NEDD4L: variants seen among roughly 807,000 people sequenced by gnomAD.
NEDD4L encodes the protein NEDD4 like E3 ubiquitin protein ligase, also known as E3 ubiquitin-protein ligase NEDD4-like.
A neutral mutation model predicts 148.9 loss-of-function variants in NEDD4L; 54 were observed. The ratio of observed to expected loss-of-function variants is 0.36; its 90% CI spans 0.29 to 0.45. NEDD4L has a LOEUF of 0.45. Among genes scored for constraint, NEDD4L ranks in the 20% least tolerant of loss-of-function variants. The pLI, the probability that NEDD4L is intolerant of heterozygous loss-of-function variation, is 1.00. For missense variants in NEDD4L, 856 were observed against 1,233.8 expected (o/e 0.69, Z 4.59); for synonymous variants, 433 against 440.7 (o/e 0.98, Z 0.22).
At chr18:58,182,458 G>C (rs1346770701) in intron 2 of NEDD4L, among the ~76,000 whole-genome samples, 1 of 151,448 alleles carries the variant, frequency 6.6e-6, no homozygotes, top group Non-Finnish European at 1.5e-5. Context: ...TTATTCTCTG[G>C]GCTGTTAGGA....
In NEDD4L at chr18:58,256,476, G is replaced by A. The variant is rs533156149; in HGVS notation, c.297+4422G>A. 2.3e-5 allele frequency: 28 copies of A among 1,232,292 alleles called. No homozygotes were observed. Among genetic ancestry groups the A allele is most frequent in the East Asian group, 2.2e-4 (7 of 31,694 alleles). 76.3% of individuals were successfully genotyped at this position (1,232,292 alleles called of 1,614,324 possible). A position where few individuals can be genotyped will look rare whatever the true frequency, so the allele number is the denominator to read the frequency against. ...AGGTTGGTGAGGTATCCTCGCATTC[G>A]GCTGGAGAGGAGCACCTCGTACCCC... On this transcript the variant is annotated intron_variant, in intron 5 of 30. Transcript: ENST00000400345. This position sits in a 1 kb window ranked among gnomAD's most constrained non-coding sequence, Gnocchi z 5.2.
chr18:58,363,115 A>G (rs2045687828), intron 19 of NEDD4L, among the ~76,000 whole-genome samples: 1 of 152,212 alleles, frequency 6.6e-6, no homozygotes, highest in Admixed American at 6.5e-5. Context: ...TTGCTCTGGA[A>G]TTACAGAGCA....
rs2047998241 is a variant in NEDD4L, at chr18:58,251,998, T to C, written c.244-3T>C. 1 of 1,526,788 alleles carries C rather than the reference T, an allele frequency of 6.5e-7. No homozygotes were observed. Among genetic ancestry groups the C allele is most frequent in the Non-Finnish European group, 9.1e-7 (1 of 1,100,530 alleles). The allele number at this position is 1,526,788 out of a possible 1,614,324, so 94.6% of individuals were successfully genotyped here. On this transcript the variant is annotated splice_polypyrimidine_tract_variant and splice_region_variant and intron_variant, in intron 4 of 30. Coordinates refer to ENST00000400345, the MANE Select transcript of NEDD4L (RefSeq NM_001144967.3). ...TAAAAAATACTATTTATGTTCCTTA[T>C]AGGTAAACCCATCTAATCACAGACT...
At chr18:58,172,486 C>T (rs1322586346) in intron 2 of NEDD4L, among the ~76,000 whole-genome samples, 1 of 152,208 alleles carries the variant, frequency 6.6e-6, no homozygotes, top group Non-Finnish European at 1.5e-5. Flanking sequence ...GTGGTTTGAA[C>T]TGTTTACATG....
chr18:58,389,040 C>A, intron 27 of NEDD4L, 45 bp from the exon 28 acceptor site: 2 of 1,506,420 alleles, frequency 1.3e-6, no homozygotes, highest in Non-Finnish European at 1.8e-6. Context: ...TGTGATCTCG[C>A]ACCTTTCACA....
At chr18:58,210,751 C>T (rs1163548774) in intron 2 of NEDD4L, among the ~76,000 whole-genome samples, 3 of 151,604 alleles carry the variant, frequency 2.0e-5, no homozygotes, top group Non-Finnish European at 4.4e-5. Context: ...TTTATAAAAC[C>T]ATCAAAATTT....
Position 58,400,471 on chromosome 18 carries a change from C to G in NEDD4L, c.*4202C>G, listed in dbSNP as rs976980052. ...ACACACACCCCCACCCCAGAGTGTT[C>G]TCAGTATGTCAGAGAAAGTGCCACA... On this transcript the variant is annotated 3_prime_UTR_variant, in exon 31 of 31. Transcript: ENST00000400345. 1 of 152,138 alleles carries G rather than the reference C, an allele frequency of 6.6e-6. No individual in the cohort carries two copies. Among genetic ancestry groups the G allele is most frequent in the African/African-American group, 2.4e-5 (1 of 41,426 alleles). 9.4% of individuals were successfully genotyped at this position (152,138 alleles called of 1,614,324 possible).
chr18:58,387,772 G>T (rs1723575150), intron 27 of NEDD4L: 2 of 312,126 alleles, frequency 6.4e-6, no homozygotes, highest in South Asian at 8.7e-5. Flanking sequence ...AACATGCCTA[G>T]TAAGTAGAGG....
At chr18:58,276,900 A>G (rs2052156437) in intron 5 of NEDD4L, among the ~76,000 whole-genome samples, 1 of 151,706 alleles carries the variant, frequency 6.6e-6, no homozygotes, top group African/African-American at 2.4e-5. Context: ...GAGCCTTGAT[A>G]TAATTGTGCT....
intron 14 of NEDD4L, 142 bp from the exon 15 acceptor site, chr18:58,341,536 T>A: frequency 1.2e-6 from 1 of 841,502 alleles, no homozygotes; most frequent in South Asian, 1.8e-5. Context: ...CCCCCATCAT[T>A]ATGTTTAATT....
At chr18:58,121,827 G>A (rs2029958992) in intron 1 of NEDD4L, among the ~76,000 whole-genome samples, 1 of 152,244 alleles carries the variant, frequency 6.6e-6, no homozygotes, top group Non-Finnish European at 1.5e-5. Context: ...GCTAAAAAGT[G>A]GAGGTCTGCC....
intron 13 of NEDD4L, among the ~76,000 whole-genome samples, chr18:58,337,474 C>T (rs938183363): frequency 3.3e-5 from 5 of 152,158 alleles, no homozygotes; most frequent in Middle Eastern, 3.2e-3. Context: ...GTGTATTGTC[C>T]TGGGCTGGAG....
intron 2 of NEDD4L, among the ~76,000 whole-genome samples, chr18:58,184,314 C>T (rs536361536): frequency 6.6e-6 from 1 of 151,166 alleles, no homozygotes; most frequent in Non-Finnish European, 1.5e-5. Context: ...CTCTACCCTC[C>T]TCTCCTGCTC....
chr18:58,383,404 A>G, intron 25 of NEDD4L, 85 bp downstream of exon 25: 1 of 760,548 alleles, frequency 1.3e-6, no homozygotes, highest in Non-Finnish European at 2.3e-6. Context: ...CAGCTCATGC[A>G]TTTATTATGG....
intron 1 of NEDD4L, among the ~76,000 whole-genome samples, chr18:58,092,986 G>A (rs965330465): frequency 6.6e-6 from 1 of 151,332 alleles, no homozygotes; most frequent in African/African-American, 2.4e-5. Context: ...TCAGCCTTCC[G>A]AGTAGCTGGG....
chr18:58,245,494 A>G lies in NEDD4L; in HGVS notation c.190A>G (p.Lys64Glu). The change falls in exon 3 of 31, where the codon AAA becomes GAA. Residue 64 changes from lysine to glutamate, a missense_variant. Transcript: ENST00000400345. Reference sequence around the variant, plus strand: ...TAGAGAACTTGCTTTGGTCCAGACAAAAACAATTAAAAAGGTAGGTGTCGA... The same window carrying G: ...TAGAGAACTTGCTTTGGTCCAGACAGAAACAATTAAAAAGGTAGGTGTCGA... The part of the protein sequence containing the change: ...ENRELALVQT[K>E]TIKKTLNPKW... The G allele has an allele frequency of 6.4e-7, 1 of 1,556,666 alleles. No homozygotes were observed. The highest frequency in any genetic ancestry group is 1.7e-4 in the Middle Eastern group (1 of 5,928).
intron 5 of NEDD4L, among the ~76,000 whole-genome samples, chr18:58,271,137 A>G (rs1555779881): frequency 6.6e-6 from 1 of 152,152 alleles, no homozygotes; most frequent in Non-Finnish European, 1.5e-5. Context: ...AATTCCTCAC[A>G]GATGTTTAGG....
chr18:58,153,838 C>T (rs1259921178), intron 1 of NEDD4L, among the ~76,000 whole-genome samples: 5 of 151,296 alleles, frequency 3.3e-5, no homozygotes, highest in Admixed American at 6.6e-5. Flanking sequence ...TTAGTAGAGA[C>T]GGGGTTTCAC....
chr18:58,328,936 T>C (rs2059552419), intron 9 of NEDD4L, 59 bp from the exon 10 acceptor site: 1 of 1,606,374 alleles, frequency 6.2e-7, no homozygotes. Context: ...TGAACTGTCA[T>C]GAAGGGCCCG....
Sources: gnomAD v4.1 joint callset for allele counts (sites outside exome capture counted in the v4.1 genomes callset) on GRCh38, gnomAD v4.1.1 for gene constraint, Gnocchi (gnomAD v3.1) non-coding constraint, MANE v1.5 for transcripts, NCBI Gene and HGNC (gene_info 2026-07-23, HGNC 2026-07-21) for gene names.